Variants in NLGN4Y observed in about 807,000 individuals in gnomAD.
NLGN4Y encodes neuroligin 4 Y-linked.
Under a neutral mutation model 8.4 loss-of-function variants are expected in NLGN4Y, and 4 were observed. The ratio of observed to expected loss-of-function variants is 0.48; its 90% CI spans 0.23 to 1.09. The LOEUF (loss-of-function observed/expected upper bound fraction) is 1.09, where lower values mean the gene tolerates loss of function less well. NLGN4Y is among the 50% of genes least tolerant of loss of function. The probability of loss-of-function intolerance (pLI) is 0.19; values close to 1 mark genes in which losing one functional copy is unlikely to be tolerated. For synonymous variants in NLGN4Y, 35 were observed against 75.6 expected, an observed-to-expected ratio of 0.46 and a Z score of 2.78; for missense variants, 90 against 192.3, an observed-to-expected ratio of 0.47 and a Z score of 3.15.
chrY:14,808,601 A>T, intron 4 of NLGN4Y, among the ~76,000 whole-genome samples: 1 of 34,182 alleles, frequency 2.9e-5, no homozygotes, highest in Non-Finnish European at 7.3e-5. Context: ...ACAGATAATC[A>T]CACAGGACAC....
intron 1 of NLGN4Y, among the ~76,000 whole-genome samples, chrY:14,596,008 A>C: frequency 3.0e-5 from 1 of 33,133 alleles, no homozygotes; most frequent in Admixed American, 2.7e-4. Context: ...TTCTCCTGTT[A>C]GTATTAGGAC....
chrY:14,616,088 TG>T (rs772570473), intron 1 of NLGN4Y, among the ~76,000 whole-genome samples: 2,319 of 33,378 alleles, frequency 0.069, no homozygotes, highest in Non-Finnish European at 0.11. Flanking sequence ...GGACTTTTTT[TG>T]GTTGGTAGGC....
intron 2 of NLGN4Y, among the ~76,000 whole-genome samples, chrY:14,700,158 G>A: frequency 6.0e-5 from 2 of 33,516 alleles, no homozygotes; most frequent in African/African-American, 2.3e-4. Flanking sequence ...TAACAATGGA[G>A]GACTGTGTTC....
At chrY:14,638,163 A>G (rs2080574324) in intron 2 of NLGN4Y, among the ~76,000 whole-genome samples, 1 of 32,338 alleles carries the variant, frequency 3.1e-5, no homozygotes, top group African/African-American at 1.2e-4. Flanking sequence ...TTCTGATGCT[A>G]TCCCTCCCGT....
intron 6 of NLGN4Y, among the ~76,000 whole-genome samples, chrY:14,837,423 C>T (rs981179964): frequency 6.0e-5 from 2 of 33,150 alleles, no homozygotes; most frequent in Non-Finnish European, 7.4e-5. Context: ...TCAAATAGAA[C>T]AGGTGGAAAT....
chrY:14,715,677 A>C, intron 2 of NLGN4Y, among the ~76,000 whole-genome samples: 1 of 32,849 alleles, frequency 3.0e-5, no homozygotes, highest in Non-Finnish European at 7.5e-5. Flanking sequence ...AGAAATTCCT[A>C]ATGTAGATGC....
Position 14,842,513 on chromosome Y carries a change from C to T in NLGN4Y, c.*1251C>T, listed in dbSNP as rs764414811. 8 of 122,119 alleles carry T rather than the reference C, an allele frequency of 6.6e-5. No individual in the cohort carries two copies. Among genetic ancestry groups the T allele is most frequent in the South Asian group, 3.1e-4 (8 of 25,747 alleles). 30.5% of individuals were successfully genotyped at this position (122,119 alleles called of 400,897 possible). Reference sequence around the variant, plus strand: ...GGATTTGGCTGATGAAGTACCTGCTCAGCTTAGCTAATCAGATTAAAGGAA... The same window carrying T: ...GGATTTGGCTGATGAAGTACCTGCTTAGCTTAGCTAATCAGATTAAAGGAA... On this transcript the variant is annotated 3_prime_UTR_variant, in exon 7 of 7. Transcript: ENST00000684976.
chrY:14,552,736 A>C, intron 1 of NLGN4Y, among the ~76,000 whole-genome samples: 1 of 33,615 alleles, frequency 3.0e-5, no homozygotes, highest in South Asian at 6.6e-4. Flanking sequence ...CCTTCAAGCT[A>C]AAAATCCTCA....
Position 14,765,018 on chromosome Y carries a change from C to A in NLGN4Y, c.685+41749C>A, listed in dbSNP as rs771830945. 3.0e-3 allele frequency among the ~76,000 whole-genome samples: 103 copies of A among 33,934 alleles called. No individual in the cohort carries two copies. In the East Asian group the frequency reaches 0.077, roughly 25 times the overall value. The allele number at this position is 33,934 out of a possible 37,273, so 91.0% of individuals were successfully genotyped here. On this transcript the variant is annotated intron_variant, in intron 4 of 6. Transcript: ENST00000684976. ...TATTTGTTATTATTCTTCTAACAAACAAATACACATAGTGATAGTTAATTC... is the reference window on the plus strand; with the variant it reads ...TATTTGTTATTATTCTTCTAACAAAAAAATACACATAGTGATAGTTAATTC...
chrY:14,573,096 T>A, intron 1 of NLGN4Y, among the ~76,000 whole-genome samples: 1 of 33,414 alleles, frequency 3.0e-5, no homozygotes, highest in African/African-American at 1.2e-4. Flanking sequence ...GTTGTCAGGA[T>A]GATGCTGGCC....
chrY:14,780,397 A>T (rs1006210972), intron 4 of NLGN4Y, among the ~76,000 whole-genome samples: 21 of 33,166 alleles, frequency 6.3e-4, no homozygotes, highest in Non-Finnish European at 4.5e-4. Flanking sequence ...ATATTCCCAG[A>T]TCCTTATCCT....
At chrY:14,646,509 G>A in intron 2 of NLGN4Y, among the ~76,000 whole-genome samples, 1 of 33,620 alleles carries the variant, frequency 3.0e-5, no homozygotes, top group Non-Finnish European at 7.4e-5. Flanking sequence ...TGGGCTTAGT[G>A]TTGGTGAAGA....
intron 4 of NLGN4Y, among the ~76,000 whole-genome samples, chrY:14,766,328 T>A (rs2081093366): frequency 1.2e-4 from 4 of 33,657 alleles, no homozygotes; most frequent in Non-Finnish European, 3.0e-4. Context: ...TACCTTTGTT[T>A]AAAAATAAGA....
intron 2 of NLGN4Y, among the ~76,000 whole-genome samples, chrY:14,664,003 C>A: frequency 3.1e-5 from 1 of 32,041 alleles, no homozygotes; most frequent in Non-Finnish European, 7.6e-5. Flanking sequence ...AGATGATATT[C>A]ATGTTGATGA....
At chrY:14,546,239 A>G in intron 1 of NLGN4Y, among the ~76,000 whole-genome samples, 1 of 31,971 alleles carries the variant, frequency 3.1e-5, no homozygotes, top group Non-Finnish European at 7.6e-5. Context: ...CTTTTGGCTT[A>G]GGATTGACTA....
At position 14,639,860 on chromosome Y, in the gene NLGN4Y, G is replaced by A. The variant is rs971030548; in HGVS notation, c.472+17269G>A. The A allele has an allele frequency of 2.0e-4, 22 of 111,597 alleles. No homozygotes were observed. The East Asian group carries it at 4.5e-3, about 23-fold the overall frequency. 27.8% of individuals were successfully genotyped at this position (111,597 alleles called of 400,897 possible). Reference sequence around the variant, plus strand: ...CTCACCAAGCCTATATTTTACACACGGCACCTACAGAGAGATCTCCCAGTG... The same window carrying A: ...CTCACCAAGCCTATATTTTACACACAGCACCTACAGAGAGATCTCCCAGTG... On this transcript the variant is annotated intron_variant, in intron 2 of 6. Transcript: ENST00000684976.
intron 2 of NLGN4Y, among the ~76,000 whole-genome samples, chrY:14,660,188 A>T: frequency 3.0e-5 from 1 of 33,287 alleles, no homozygotes; most frequent in Admixed American, 2.8e-4. Context: ...CTGCAGGAAC[A>T]TCTGATCCAA....
At chrY:14,644,213 T>C (rs1037769921) in intron 2 of NLGN4Y, among the ~76,000 whole-genome samples, 3 of 32,960 alleles carry the variant, frequency 9.1e-5, no homozygotes, top group Non-Finnish European at 2.2e-4. Context: ...ATCACTTTTA[T>C]TGAAAGCCAT....
At chrY:14,533,748 T>A in intron 1 of NLGN4Y, among the ~76,000 whole-genome samples, 1 of 32,754 alleles carries the variant, frequency 3.1e-5, no homozygotes, top group Non-Finnish European at 7.5e-5. Flanking sequence ...TGCCTCCCCC[T>A]TTCTCCCACC....
Sources: gnomAD v4.1 joint callset for allele counts (sites outside exome capture counted in the v4.1 genomes callset) on GRCh38, gnomAD v4.1.1 for gene constraint, MANE v1.5 for transcripts, NCBI Gene and HGNC (gene_info 2026-07-23, HGNC 2026-07-21) for gene names.